Variants in SNX6 observed in about 807,000 individuals in gnomAD.
SNX6 encodes the protein sorting nexin 6, also known as sorting nexin-6.
Under a neutral mutation model 63.0 loss-of-function variants are expected in SNX6, and 34 were observed. That is an observed-to-expected ratio of 0.54 (90% CI 0.41 to 0.72). The LOEUF is 0.72. Among genes scored for constraint, SNX6 ranks in the 30% least tolerant of loss-of-function variants. The pLI is 0.00. For synonymous variants in SNX6, 170 were observed against 164.2 expected (o/e 1.04, Z -0.27); for missense variants, 398 against 471.4 (o/e 0.84, Z 1.44).
rs79674811 is a variant in SNX6, at chr14:34,607,976, G to A, written c.270+54C>T. 7,720 of 875,058 alleles carry A rather than the reference G, an allele frequency of 8.8e-3. 271 individuals carry two copies. In the African/African-American group the frequency reaches 0.098, roughly 11 times the overall value. 54.2% of individuals were successfully genotyped at this position (875,058 alleles called of 1,614,324 possible). A position where few individuals can be genotyped will look rare whatever the true frequency, so the allele number is the denominator to read the frequency against. On this transcript the variant is annotated intron_variant, in intron 4 of 13. Transcript: ENST00000362031. ...GCTAAACAAGATTCCAAAACATAAC[G>A]AAGTACCTAAAACCTCCTAGAAAAT...
At chr14:34,575,867 A>T in intron 10 of SNX6, 25 bp from the exon 11 acceptor site, 1 of 1,376,580 alleles carries the variant, frequency 7.3e-7, no homozygotes, top group Non-Finnish European at 1.0e-6. Flanking sequence ...AAAATTGAAT[A>T]TTTAATCAAC....
rs952233303 is a variant in SNX6, at chr14:34,562,816, T to C, written c.*306A>G. On this transcript the variant is annotated 3_prime_UTR_variant, in exon 14 of 14. Coordinates refer to ENST00000362031, the MANE Select transcript of SNX6 (RefSeq NM_152233.4). ...AAATAAGAGTGGCAGCCATAAGGAA[T>C]ACTATTTATAAAATAAACAGAGTTA... 11 of 304,164 alleles carry C rather than the reference T, an allele frequency of 3.6e-5. No individual in the cohort carries two copies. The highest frequency in any genetic ancestry group is 1.9e-4 in the African/African-American group (9 of 46,376). The allele number at this position is 304,164 out of a possible 1,614,324, so 18.8% of individuals were successfully genotyped here.
chr14:34,614,137 C>A (rs1883334844), intron 2 of SNX6, among the ~76,000 whole-genome samples: 1 of 151,440 alleles, frequency 6.6e-6, no homozygotes, highest in African/African-American at 2.4e-5. Flanking sequence ...AACAAAAAAA[C>A]AGAATCTGGC....
At chr14:34,618,181 A>T (rs1172056985) in intron 2 of SNX6, among the ~76,000 whole-genome samples, 2 of 152,120 alleles carry the variant, frequency 1.3e-5, no homozygotes, top group Non-Finnish European at 2.9e-5. Context: ...CTACAGGGCC[A>T]CTACTATGAT....
intron 2 of SNX6, among the ~76,000 whole-genome samples, chr14:34,619,624 ACAAT>A (rs1235116261): frequency 2.0e-5 from 3 of 152,146 alleles, no homozygotes; most frequent in Admixed American, 6.6e-5. Context: ...AATGAGGAAG[ACAAT>A]CAATCTTATG....
intron 7 of SNX6, among the ~76,000 whole-genome samples, chr14:34,595,981 A>T (rs756472329): frequency 5.9e-5 from 9 of 152,136 alleles, no homozygotes; most frequent in Non-Finnish European, 1.3e-4. Context: ...GCACTTTGGG[A>T]GGCCAAGGTG....
intron 4 of SNX6, among the ~76,000 whole-genome samples, 174 bp downstream of exon 4, chr14:34,607,856 C>T (rs886761315): frequency 3.9e-5 from 6 of 151,910 alleles, no homozygotes; most frequent in East Asian, 1.9e-4. Flanking sequence ...TGCAGTGAGC[C>T]GAGACTGCGT....
intron 2 of SNX6, among the ~76,000 whole-genome samples, chr14:34,615,668 C>T (rs766821292): frequency 2.6e-5 from 4 of 151,866 alleles, no homozygotes; most frequent in Non-Finnish European, 4.4e-5. Flanking sequence ...GGCTGGAGTG[C>T]AGCGGTGCAA....
intron 13 of SNX6, among the ~76,000 whole-genome samples, chr14:34,565,721 ACTCT>A (rs1463433512): frequency 2.2e-5 from 3 of 137,574 alleles, no homozygotes; most frequent in South Asian, 4.5e-4. Context: ...ACGGAGTCTC[ACTCT>A]GTCTCCCAGG....
chr14:34,571,432 C>CA lies in SNX6; in HGVS notation c.922-3420dup, dbSNP rs981863950. ...TGGGTGACAGAGTGAGACTCCGTCT[C>CA]AAAAAAAAACAACAACAAAAAACGG... On this transcript the variant is annotated intron_variant, in intron 11 of 13. Transcript: ENST00000362031. Among the ~76,000 whole-genome samples the CA allele has an allele frequency of 1.7e-3, 244 of 147,652 alleles. 2 individuals carry two copies. Among genetic ancestry groups the CA allele is most frequent in the African/African-American group, 4.8e-3 (194 of 40,214 alleles).
chr14:34,573,923 G>T (rs367826253), intron 11 of SNX6, among the ~76,000 whole-genome samples: 332 of 152,076 alleles, frequency 2.2e-3, no homozygotes, highest in Non-Finnish European at 3.5e-3. Flanking sequence ...TTACAGGCAT[G>T]AGCCACTGCG....
chr14:34,572,872 C>G (rs1329674632), intron 11 of SNX6, among the ~76,000 whole-genome samples: 1 of 151,750 alleles, frequency 6.6e-6, no homozygotes, highest in Non-Finnish European at 1.5e-5. Context: ...TTAGTAGAGA[C>G]GGGGTTTCAC....
At chr14:34,574,598 T>G in intron 11 of SNX6, among the ~76,000 whole-genome samples, 1 of 115,432 alleles carries the variant, frequency 8.7e-6, no homozygotes, top group Admixed American at 1.3e-4. Context: ...TACAGTTGGG[T>G]GACAGAGTGA....
chr14:34,619,378 C>T (rs1395240044), intron 2 of SNX6, among the ~76,000 whole-genome samples: 1 of 151,876 alleles, frequency 6.6e-6, no homozygotes. Context: ...GCTGATATCG[C>T]ACCACTGCAC....
chr14:34,609,353 C>A (rs996647419), intron 3 of SNX6, among the ~76,000 whole-genome samples: 1 of 150,940 alleles, frequency 6.6e-6, no homozygotes, highest in African/African-American at 2.4e-5. Context: ...TGGTGGTGGA[C>A]GCCTGTAGTC....
intron 2 of SNX6, among the ~76,000 whole-genome samples, chr14:34,612,131 G>A (rs573784867): frequency 3.7e-4 from 56 of 152,096 alleles, no homozygotes; most frequent in African/African-American, 1.0e-3. Flanking sequence ...AATAGAGACA[G>A]GGTCTCGCTA....
At chr14:34,595,947 CG>C (rs1488098714) in intron 7 of SNX6, among the ~76,000 whole-genome samples, 1 of 152,114 alleles carries the variant, frequency 6.6e-6, no homozygotes, top group African/African-American at 2.4e-5. Flanking sequence ...CGGCCGGGCG[CG>C]GTGGCTCACG....
At chr14:34,576,447 T>TAC in intron 10 of SNX6, among the ~76,000 whole-genome samples, 1 of 12,156 alleles carries the variant, frequency 8.2e-5, no homozygotes, top group African/African-American at 1.2e-4. Flanking sequence ...TATATATATA[T>TAC]ATATATTTTT....
At chr14:34,568,954 G>T in intron 11 of SNX6, 1 of 1,376,358 alleles carries the variant, frequency 7.3e-7, no homozygotes, top group South Asian at 1.2e-5. Context: ...CGCTGTGGAA[G>T]CAGCTCGCGT....
Sources: gnomAD v4.1 joint callset for allele counts (sites outside exome capture counted in the v4.1 genomes callset) on GRCh38, gnomAD v4.1.1 for gene constraint, MANE v1.5 for transcripts, NCBI Gene and HGNC (gene_info 2026-07-23, HGNC 2026-07-21) for gene names.